PPIL1: variants seen among roughly 807,000 people sequenced by gnomAD.
PPIL1 encodes peptidyl-prolyl cis-trans isomerase-like 1.
Under a neutral mutation model 19.4 loss-of-function variants are expected in PPIL1, and 14 were observed. That is an observed-to-expected ratio of 0.72 (90% CI 0.48 to 1.13). The LOEUF is 1.13. Ranked by LOEUF, PPIL1 falls within the 50% of genes most tolerant of loss-of-function variation. The pLI is 0.00. For missense variants in PPIL1, 192 were observed against 218.0 expected (o/e 0.88, Z 0.75); for synonymous variants, 72 against 73.6 (o/e 0.98, Z 0.11).
At chr6:36,862,870 G>T (rs1000152373) in intron 2 of PPIL1, among the ~76,000 whole-genome samples, 1 of 152,180 alleles carries the variant, frequency 6.6e-6, no homozygotes, top group Admixed American at 6.5e-5. Flanking sequence ...GTCCTCCAAG[G>T]GGCTTTGTGG....
At chr6:36,873,726 A>C (rs1248312606) in intron 1 of PPIL1, among the ~76,000 whole-genome samples, 1 of 152,332 alleles carries the variant, frequency 6.6e-6, no homozygotes, top group East Asian at 1.9e-4. Context: ...AGCATGAGCA[A>C]ATAGAGAGAG....
At chr6:36,862,350 CCAGCCTCCTCCTCCA>C (rs201865196) in intron 2 of PPIL1, among the ~76,000 whole-genome samples, 8,896 of 152,260 alleles carry the variant, frequency 0.058, 323 homozygotes, top group Middle Eastern at 0.15. Context: ...CTGAGCATCC[CCAGCCTCCTCCTCCA>C]CAGCCTGCCT....
intron 3 of PPIL1, 76 bp from the exon 4 acceptor site, chr6:36,856,109 G>A: frequency 6.8e-7 from 1 of 1,473,686 alleles, no homozygotes; most frequent in Non-Finnish European, 9.2e-7. Flanking sequence ...CCCCATCCTA[G>A]GGATGAAAAA....
chr6:36,868,148 T>C (rs1024141396), intron 2 of PPIL1, among the ~76,000 whole-genome samples: 2 of 151,558 alleles, frequency 1.3e-5, no homozygotes, highest in Non-Finnish European at 2.9e-5. Flanking sequence ...TAACAAAAGC[T>C]CAAAGACAAG....
chr6:36,871,681 A>G (rs1484932744), intron 2 of PPIL1, 37 bp downstream of exon 2: 1 of 1,560,722 alleles, frequency 6.4e-7, no homozygotes. Context: ...AGGAGAAAAA[A>G]AAAAGAAAAC....
chr6:36,873,072 T>A (rs1583122913), intron 1 of PPIL1, among the ~76,000 whole-genome samples: 1 of 152,240 alleles, frequency 6.6e-6, no homozygotes, highest in Admixed American at 6.5e-5. Flanking sequence ...CAACACAGAT[T>A]GACAGTTACT....
intron 2 of PPIL1, among the ~76,000 whole-genome samples, chr6:36,867,549 C>G (rs1338701158): frequency 6.6e-6 from 1 of 152,208 alleles, no homozygotes; most frequent in Non-Finnish European, 1.5e-5. Context: ...AAACAAAGCC[C>G]TTGAGGGCAG....
chr6:36,857,486 A>T lies in PPIL1; in HGVS notation c.212-832T>A, dbSNP rs553190647. Among the ~76,000 whole-genome samples, 23 of 147,394 alleles carry T rather than the reference A, an allele frequency of 1.6e-4. No homozygotes were observed. The East Asian group carries it at 4.0e-3, about 25-fold the overall frequency. On this transcript the variant is annotated intron_variant, in intron 2 of 3. Coordinates refer to ENST00000373699, the MANE Select transcript of PPIL1 (RefSeq NM_016059.5). Reference sequence around the variant, plus strand: ...ACAGAGCGAGACCCTGACTCCATAAATTTTTTTTTTTTAGAGATGGGGTCT... The same window carrying T: ...ACAGAGCGAGACCCTGACTCCATAATTTTTTTTTTTTTAGAGATGGGGTCT...
chr6:36,857,691 G>A (rs1774196561), intron 2 of PPIL1, among the ~76,000 whole-genome samples: 1 of 152,132 alleles, frequency 6.6e-6, no homozygotes, highest in African/African-American at 2.4e-5. Flanking sequence ...GCTGAGGCAG[G>A]AGGACTGCTT....
At chr6:36,858,074 C>CA (rs1161593698) in intron 2 of PPIL1, among the ~76,000 whole-genome samples, 64 of 145,168 alleles carry the variant, frequency 4.4e-4, no homozygotes, top group African/African-American at 1.1e-3. Context: ...ACTAAAAATA[C>CA]AAAAAAAAAA....
chr6:36,859,811 T>TTTTGTGTG (rs112797928), intron 2 of PPIL1, among the ~76,000 whole-genome samples: 2 of 144,886 alleles, frequency 1.4e-5, no homozygotes, highest in African/African-American at 5.2e-5. Flanking sequence ...CTGTTTTCTA[T>TTTTGTGTG]TGTGTGTGTG....
At chr6:36,860,479 TC>T (rs1274575102) in intron 2 of PPIL1, among the ~76,000 whole-genome samples, 1 of 152,124 alleles carries the variant, frequency 6.6e-6, no homozygotes, top group East Asian at 1.9e-4. Context: ...CTGTCCTCTG[TC>T]CTCTCTTGGG....
At chr6:36,863,830 T>C (rs1774339883) in intron 2 of PPIL1, among the ~76,000 whole-genome samples, 1 of 151,798 alleles carries the variant, frequency 6.6e-6, no homozygotes, top group Admixed American at 6.6e-5. Context: ...GTCACCCTTC[T>C]GCTTGAGTTG....
At chr6:36,863,025 T>G (rs1774321199) in intron 2 of PPIL1, among the ~76,000 whole-genome samples, 1 of 152,038 alleles carries the variant, frequency 6.6e-6, no homozygotes, top group Non-Finnish European at 1.5e-5. Flanking sequence ...AAAATGGGAG[T>G]AGCAGTAACA....
At position 36,861,782 on chromosome 6, in the gene PPIL1, C is replaced by T. The variant is rs138779540; in HGVS notation, c.212-5128G>A. Among the ~76,000 whole-genome samples the T allele has an allele frequency of 2.5e-3, 373 of 151,782 alleles. 1 individual carries two copies. Among genetic ancestry groups the T allele is most frequent in the African/African-American group, 8.0e-3 (332 of 41,360 alleles). On this transcript the variant is annotated intron_variant, in intron 2 of 3. Coordinates refer to ENST00000373699, the MANE Select transcript of PPIL1 (RefSeq NM_016059.5). ...TGCCATCTTGGCTCACCGCAACCTC[C>T]GCCTCCCAGGTTTAAGCAATTCTCC...
chr6:36,872,679 C>T (rs1041428288), intron 1 of PPIL1, among the ~76,000 whole-genome samples: 2 of 152,128 alleles, frequency 1.3e-5, no homozygotes, highest in African/African-American at 4.8e-5. Flanking sequence ...ACAATCTCAG[C>T]TTATCGCAAC....
intron 3 of PPIL1, 31 bp downstream of exon 3, chr6:36,856,555 C>T: frequency 6.3e-7 from 1 of 1,595,238 alleles, no homozygotes; most frequent in Non-Finnish European, 8.6e-7. Context: ...AATCCCCGTT[C>T]CTACCCAGTC....
intron 2 of PPIL1, among the ~76,000 whole-genome samples, chr6:36,860,183 T>C (rs1405760974): frequency 6.6e-6 from 1 of 151,972 alleles, no homozygotes; most frequent in Non-Finnish European, 1.5e-5. Flanking sequence ...GATTCTTTTC[T>C]GGCCAGGTAC....
At chr6:36,865,396 G>T (rs1774373384) in intron 2 of PPIL1, among the ~76,000 whole-genome samples, 3 of 152,180 alleles carry the variant, frequency 2.0e-5, no homozygotes, top group Admixed American at 2.0e-4. Context: ...GCAGTTCCGA[G>T]ATCTGTAAAT....
Sources: allele counts gnomAD v4.1 joint callset (sites outside exome capture counted in the v4.1 genomes callset), GRCh38; gene constraint gnomAD v4.1.1; transcripts MANE v1.5; gene names NCBI Gene and HGNC (gene_info 2026-07-23, HGNC 2026-07-21).